The following PRAC2 variants were observed in gnomAD, a reference collection of about 807,000 sequenced individuals.
PRAC2 encodes the protein PRAC2 small nuclear protein.
For synonymous variants in PRAC2, 43 were observed against 49.5 expected (o/e 0.87, Z 0.55); for missense variants, 92 against 114.5 (o/e 0.80, Z 0.90).
chr17:48,721,293 G>C (rs2038142342), upstream of PRAC2, among the ~76,000 whole-genome samples: 2 of 152,162 alleles, frequency 1.3e-5, no homozygotes, highest in African/African-American at 4.8e-5. Flanking sequence ...AGGGAATAAG[G>C]AAGCCAGGGG....
chr17:48,723,631 G>A (rs947479264), intron 1 of PRAC2: 82 of 1,072,038 alleles, frequency 7.6e-5, no homozygotes, highest in Non-Finnish European at 9.3e-5. Flanking sequence ...CAGGGAAGGC[G>A]GGGCGGATTC....
upstream of PRAC2, among the ~76,000 whole-genome samples, chr17:48,719,864 G>T (rs1341896045): frequency 6.6e-6 from 1 of 152,148 alleles, no homozygotes; most frequent in South Asian, 2.1e-4. Context: ...GGTTTCTCGC[G>T]TTTCGGGTCG....
At chr17:48,723,590 G>C (rs2038169854) in intron 1 of PRAC2, 1 of 706,510 alleles carries the variant, frequency 1.4e-6, no homozygotes, top group Non-Finnish European at 2.0e-6. Context: ...CTTCCGGCCC[G>C]GGAACTACTA....
intron 1 of PRAC2, chr17:48,723,653 C>CG (rs2038171151): frequency 1.7e-6 from 2 of 1,191,356 alleles, no homozygotes; most frequent in South Asian, 8.5e-5. Flanking sequence ...CGGCTGGCGG[C>CG]GGCCTCGCAG....
upstream of PRAC2, among the ~76,000 whole-genome samples, chr17:48,720,080 G>C (rs541947669): frequency 6.6e-6 from 1 of 152,348 alleles, no homozygotes; most frequent in East Asian, 1.9e-4. Flanking sequence ...CCTAGAGATG[G>C]GGAGCTGAGG....
At chr17:48,722,683 C>T (rs898114956), upstream of PRAC2, among the ~76,000 whole-genome samples, 6 of 152,212 alleles carry the variant, frequency 3.9e-5, no homozygotes, top group African/African-American at 1.2e-4. Context: ...CTCCGAATCT[C>T]CCTGGACCTC....
chr17:48,722,190 C>T, upstream of PRAC2: 6 of 813,748 alleles, frequency 7.4e-6, no homozygotes, highest in Non-Finnish European at 1.2e-5. Context: ...TGCTGCTCAC[C>T]CTTCCCTTGT....
upstream of PRAC2, among the ~76,000 whole-genome samples, chr17:48,719,307 C>G (rs751842128): frequency 3.0e-4 from 45 of 152,202 alleles, no homozygotes; most frequent in Non-Finnish European, 5.9e-4. Flanking sequence ...GTCGGCGGGT[C>G]GCCTGGAAAG....
At chr17:48,720,318 C>T (rs1020716955), upstream of PRAC2, among the ~76,000 whole-genome samples, 1 of 152,218 alleles carries the variant, frequency 6.6e-6, no homozygotes, top group Admixed American at 6.5e-5. Context: ...CTAGCTCACC[C>T]GGAGTAAGGA....
chr17:48,719,019 G>T (rs964616140), upstream of PRAC2, among the ~76,000 whole-genome samples: 2 of 152,180 alleles, frequency 1.3e-5, no homozygotes, highest in Non-Finnish European at 2.9e-5. Flanking sequence ...CTCCCGGCTG[G>T]AAAGGAAGCC....
rs2038165031 is a variant in PRAC2, at chr17:48,723,234, T to A, written c.-163T>A. The stretch of plus-strand genomic sequence containing the variant: ...GAGCGACTGTTCGGGAGGGTGAGAA[T>A]GGTATAAATTTCAAAAACAACGAAA... On this transcript the variant is annotated 5_prime_UTR_variant, in exon 1 of 2. It removes an upstream start codon present in the reference 5' UTR. Coordinates refer to ENST00000422730, the MANE Select transcript of PRAC2 (RefSeq NM_001282275.2). 1 of 152,682 alleles carries A rather than the reference T, an allele frequency of 6.5e-6. No individual in the cohort carries two copies. The highest frequency in any genetic ancestry group is 2.1e-4 in the South Asian group (1 of 4,824). The allele number at this position is 152,682 out of a possible 1,614,324, so 9.5% of individuals were successfully genotyped here. A position where few individuals can be genotyped will look rare whatever the true frequency, so the allele number is the denominator to read the frequency against.
At chr17:48,724,058 C>A (rs1362790606) in intron 1 of PRAC2, among the ~76,000 whole-genome samples, 1 of 152,242 alleles carries the variant, frequency 6.6e-6, no homozygotes, top group Non-Finnish European at 1.5e-5. Context: ...CGTCTGTGAG[C>A]TCATTGTCTG....
At chr17:48,722,036 C>A, upstream of PRAC2, 1 of 1,005,448 alleles carries the variant, frequency 9.9e-7, no homozygotes, top group Non-Finnish European at 1.4e-6. Context: ...TGCTAGTTCC[C>A]ACTCCCAAGC....
chr17:48,722,415 G>A (rs368016773), upstream of PRAC2: 1 of 1,610,802 alleles, frequency 6.2e-7, no homozygotes, highest in Non-Finnish European at 8.5e-7. Flanking sequence ...TGCAAAGGTG[G>A]GGACCAGAAT....
Position 48,724,332 on chromosome 17 carries a change from C to T in PRAC2, c.-79C>T, listed in dbSNP as rs2038179712. 2.4e-6 allele frequency: 3 copies of T among 1,232,536 alleles called. No individual in the cohort carries two copies. The highest frequency in any genetic ancestry group is 1.6e-5 in the African/African-American group (1 of 64,430). The allele number at this position is 1,232,536 out of a possible 1,614,324, so 76.3% of individuals were successfully genotyped here. The stretch of plus-strand genomic sequence containing the variant: ...AATTAAATATTTTTTGCACAGGTTC[C>T]ATACAAGTAAATCCGAAAAAAAGTG... On this transcript the variant is annotated 5_prime_UTR_variant, in exon 2 of 2. Transcript: ENST00000422730.
rs1337697861 is a variant in PRAC2 at position 48,724,680 on chromosome 17, G to A, written c.270G>A (p.Trp90Ter). Residue 90 changes from tryptophan (W) to a stop codon, truncating the protein, a stop_gained, in exon 2 of 2, where the codon TGG (tryptophan) becomes TGA (stop). Coordinates refer to ENST00000422730, the MANE Select transcript of PRAC2 (RefSeq NM_001282275.2). LOFTEE classifies it high-confidence loss of function. ...CCTGCCCGCAGGTTCTCCTGGAGTG[G>A]TGAGCCTCTGTCGGAAGGGGGCGCC... is the stretch of plus-strand genomic sequence containing the variant. ...MKACPQVLLE[W>*] 1.6e-6 allele frequency: 2 copies of A among 1,231,938 alleles called. No individual in the cohort carries two copies. Among genetic ancestry groups the A allele is most frequent in the Middle Eastern group, 3.1e-4 (1 of 3,208 alleles). 76.3% of individuals were successfully genotyped at this position (1,231,938 alleles called of 1,614,324 possible).
At chr17:48,721,989 G>T (rs1367003432), upstream of PRAC2, 1 of 1,337,628 alleles carries the variant, frequency 7.5e-7, no homozygotes, top group African/African-American at 1.5e-5. Context: ...TCCCATTGGA[G>T]ACAAACATTA....
chr17:48,722,185 C>CTCGACATCACGATGGATCACAGGTCTA (rs1258042303), upstream of PRAC2: 26 of 785,692 alleles, frequency 3.3e-5, no homozygotes, highest in Non-Finnish European at 5.4e-5. Flanking sequence ...AAGCCTGCTG[C>CTCGACATCACGATGGATCACAGGTCTA]TCACCCTTCC....
chr17:48,724,304 C>A (rs774322029), intron 1 of PRAC2, 24 bp from the exon 2 acceptor site: 4 of 1,204,022 alleles, frequency 3.3e-6, no homozygotes, highest in Non-Finnish European at 3.1e-6. Context: ...TAATACAAAA[C>A]GAAATTAAAT....
Sources: gnomAD v4.1 joint callset for allele counts (sites outside exome capture counted in the v4.1 genomes callset) on GRCh38, gnomAD v4.1.1 for gene constraint, MANE v1.5 for transcripts, NCBI Gene and HGNC (gene_info 2026-07-23, HGNC 2026-07-21) for gene names.